KALRN: variants seen among roughly 807,000 people sequenced by gnomAD.
The protein encoded by KALRN is kalirin RhoGEF kinase.
Under a neutral mutation model 353.7 loss-of-function variants are expected in KALRN, and 70 were observed. That is an observed-to-expected ratio of 0.20 (90% CI 0.16 to 0.24). KALRN has a LOEUF of 0.24. Among genes scored for constraint, KALRN ranks in the 10% least tolerant of loss-of-function variants. The probability of loss-of-function intolerance (pLI) is 1.00; values close to 1 mark genes in which losing one functional copy is unlikely to be tolerated. For synonymous variants in KALRN, 1,391 were observed against 1,434.8 expected, an observed-to-expected ratio of 0.97 and a Z score of 0.69; for missense variants, 2,791 against 3,756.7, an observed-to-expected ratio of 0.74 and a Z score of 6.72.
intron 1 of KALRN, among the ~76,000 whole-genome samples, chr3:124,216,943 C>G (rs1319332796): frequency 1.3e-5 from 2 of 152,196 alleles, no homozygotes; most frequent in Non-Finnish European, 2.9e-5. Flanking sequence ...CTAGACCCAC[C>G]AGAGACTCAT....
intron 8 of KALRN, among the ~76,000 whole-genome samples, chr3:124,333,992 C>T (rs1461912234): frequency 1.3e-5 from 2 of 152,236 alleles, no homozygotes; most frequent in African/African-American, 4.8e-5. Flanking sequence ...TATCTCTGCC[C>T]TCACAGTGCT....
chr3:124,199,705 G>A (rs1280922193), intron 1 of KALRN, among the ~76,000 whole-genome samples: 1 of 152,172 alleles, frequency 6.6e-6, no homozygotes, highest in East Asian at 1.9e-4. Context: ...GTGCTCCATT[G>A]GAGGGGTATG....
intron 15 of KALRN, among the ~76,000 whole-genome samples, chr3:124,428,236 A>G (rs2093114815): frequency 6.6e-6 from 1 of 152,252 alleles, no homozygotes; most frequent in Non-Finnish European, 1.5e-5. Flanking sequence ...TAAGGAAGCT[A>G]CATCACATCA....
intron 11 of KALRN, among the ~76,000 whole-genome samples, chr3:124,386,431 C>T (rs988699073): frequency 2.0e-5 from 3 of 151,988 alleles, no homozygotes; most frequent in South Asian, 2.1e-4. Flanking sequence ...AGTGGTGGAC[C>T]GGGGTCAGTT....
chr3:124,345,676 A>C (rs1261294083), intron 9 of KALRN, among the ~76,000 whole-genome samples: 1 of 152,200 alleles, frequency 6.6e-6, no homozygotes, highest in Non-Finnish European at 1.5e-5. Flanking sequence ...TTTCTTCATG[A>C]TGATGGACAA....
chr3:124,492,421 C>G (rs2063265379), intron 31 of KALRN, among the ~76,000 whole-genome samples: 1 of 152,148 alleles, frequency 6.6e-6, no homozygotes, highest in South Asian at 2.1e-4. Context: ...AATCCCTGTC[C>G]CAGGGGGAAC....
At chr3:124,447,035 T>C (rs1160965712) in intron 21 of KALRN, 150 bp downstream of exon 21, 1 of 915,418 alleles carries the variant, frequency 1.1e-6, no homozygotes, top group Non-Finnish European at 1.6e-6. Flanking sequence ...TAAAGGATTG[T>C]CTCTTTAGAA....
chr3:124,178,026 G>A (rs773450520), intron 1 of KALRN, among the ~76,000 whole-genome samples: 1 of 152,146 alleles, frequency 6.6e-6, no homozygotes, highest in African/African-American at 2.4e-5. Context: ...GGTTCTACCT[G>A]GATTTATAGG....
intron 51 of KALRN, among the ~76,000 whole-genome samples, chr3:124,680,815 C>T (rs1242610184): frequency 6.6e-6 from 1 of 152,198 alleles, no homozygotes; most frequent in African/African-American, 2.4e-5. Flanking sequence ...GTAGGTGTGG[C>T]TCAATACGTA....
At chr3:124,654,537 T>C (rs2083785026) in intron 38 of KALRN, among the ~76,000 whole-genome samples, 1 of 152,186 alleles carries the variant, frequency 6.6e-6, no homozygotes, top group Non-Finnish European at 1.5e-5. Flanking sequence ...TTGGAAGAGT[T>C]TGACTCCAGT....
chr3:124,070,793 G>A (rs1356791146), intron 1 of KALRN, among the ~76,000 whole-genome samples: 1 of 152,182 alleles, frequency 6.6e-6, no homozygotes, highest in Non-Finnish European at 1.5e-5. Context: ...AGCCCAGTCA[G>A]GAGGTCTTGG....
At chr3:124,372,721 G>C (rs886152763) in intron 10 of KALRN, among the ~76,000 whole-genome samples, 1 of 152,088 alleles carries the variant, frequency 6.6e-6, no homozygotes, top group African/African-American at 2.4e-5. Context: ...GAACTATTCT[G>C]TATTGTTGAG....
rs1461016105 is a variant in KALRN at position 124,672,033 on chromosome 3, C to A, written c.6942+135C>A. ...GCACCATCTCAGCTCACTGCAACCT[C>A]CGCCTCCCAGGTTCAAGCGAATTCT... On this transcript the variant is annotated intron_variant, in intron 48 of 59. Coordinates refer to ENST00000682506, the MANE Select transcript of KALRN (RefSeq NM_001388419.1). The A allele has an allele frequency of 5.6e-6, 4 of 718,536 alleles. No individual in the cohort carries two copies. In the East Asian group the frequency reaches 7.5e-5, roughly 14 times the overall value. The allele number at this position is 718,536 out of a possible 1,614,324, so 44.5% of individuals were successfully genotyped here. A position where few individuals can be genotyped will look rare whatever the true frequency, so the allele number is the denominator to read the frequency against.
In KALRN at chr3:124,492,611, G is replaced by T. The variant is rs1371630674; in HGVS notation, c.4690-129G>T. The T allele has an allele frequency of 4.1e-6, 4 of 970,192 alleles. No homozygotes were observed. In the African/African-American group the frequency reaches 4.9e-5, roughly 12 times the overall value. 60.1% of individuals were successfully genotyped at this position (970,192 alleles called of 1,614,324 possible). ...TATTGAAGAGTCATAAGTATGAAAT[G>T]AGAAATAAACTCCCCAGACATTTGG... is the stretch of plus-strand genomic sequence containing the variant. On this transcript the variant is annotated intron_variant, in intron 31 of 59. Transcript: ENST00000682506.
chr3:124,467,083 T>C (rs1375247778), intron 25 of KALRN, among the ~76,000 whole-genome samples: 1 of 152,198 alleles, frequency 6.6e-6, no homozygotes, highest in African/African-American at 2.4e-5. Context: ...GCTATTAGAT[T>C]TGGCCTTGGC....
chr3:124,575,409 C>T (rs770059711), intron 34 of KALRN, among the ~76,000 whole-genome samples: 5 of 152,212 alleles, frequency 3.3e-5, no homozygotes, highest in Non-Finnish European at 5.9e-5. Context: ...TCCAGTAAAA[C>T]GAAGTCCTTT....
intron 1 of KALRN, among the ~76,000 whole-genome samples, chr3:124,190,070 G>A (rs2074722877): frequency 6.6e-6 from 1 of 152,132 alleles, no homozygotes; most frequent in African/African-American, 2.4e-5. Flanking sequence ...ACTGAAGAAT[G>A]TAGGAAATGA....
intron 33 of KALRN, among the ~76,000 whole-genome samples, chr3:124,549,385 T>TCACA (rs374992639): frequency 1.5e-5 from 2 of 130,912 alleles, no homozygotes; most frequent in East Asian, 4.3e-4. Flanking sequence ...ACACACACAA[T>TCACA]CACACACACA....
intron 33 of KALRN, among the ~76,000 whole-genome samples, chr3:124,537,199 G>A (rs888881224): frequency 1.3e-5 from 2 of 152,036 alleles, no homozygotes; most frequent in Non-Finnish European, 2.9e-5. Flanking sequence ...GTGCCACTAC[G>A]CCCAGCTAAT....
Sources: gnomAD v4.1 joint callset for allele counts (sites outside exome capture counted in the v4.1 genomes callset) on GRCh38, gnomAD v4.1.1 for gene constraint, MANE v1.5 for transcripts, NCBI Gene and HGNC (gene_info 2026-07-23, HGNC 2026-07-21) for gene names.